The following ADGRB3 variants were observed in gnomAD, a reference collection of about 807,000 sequenced individuals.
ADGRB3 encodes brain-specific angiogenesis inhibitor 3.
Under a neutral mutation model 193.4 loss-of-function variants are expected in ADGRB3, and 37 were observed. That is an observed-to-expected ratio of 0.19 (90% CI 0.15 to 0.25). The LOEUF is 0.25. Among genes scored for constraint, ADGRB3 ranks in the 10% least tolerant of loss-of-function variants. ADGRB3 has a pLI of 1.00. For synonymous variants in ADGRB3, 690 were observed against 644.2 expected (o/e 1.07, Z -1.08); for missense variants, 1,637 against 1,852.9 (o/e 0.88, Z 2.14).
intron 13 of ADGRB3, among the ~76,000 whole-genome samples, 156 bp downstream of exon 13, chr6:69,018,655 G>A (rs562212328): frequency 6.6e-6 from 1 of 152,002 alleles, no homozygotes; most frequent in South Asian, 2.1e-4. Flanking sequence ...TTTTAGATGG[G>A]CCTAAACACA....
intron 15 of ADGRB3, among the ~76,000 whole-genome samples, chr6:69,061,069 ATG>A (rs1771733890): frequency 3.3e-5 from 5 of 149,288 alleles, no homozygotes; most frequent in Non-Finnish European, 1.5e-5. Flanking sequence ...TTATCATTTA[ATG>A]AAAAAAAAAA....
chr6:68,966,231 C>A (rs747741143), intron 8 of ADGRB3, among the ~76,000 whole-genome samples: 2 of 152,124 alleles, frequency 1.3e-5, no homozygotes, highest in Non-Finnish European at 2.9e-5. Context: ...AATCTACATC[C>A]TATGATTCTT....
At chr6:69,306,769 C>A (rs1054669015) in intron 20 of ADGRB3, among the ~76,000 whole-genome samples, 3 of 151,200 alleles carry the variant, frequency 2.0e-5, no homozygotes, top group Non-Finnish European at 3.0e-5. Flanking sequence ...GGAGTGTGGA[C>A]AAACAATTTA....
At chr6:68,943,126 A>T (rs1054190553) in intron 5 of ADGRB3, among the ~76,000 whole-genome samples, 12 of 152,186 alleles carry the variant, frequency 7.9e-5, no homozygotes, top group African/African-American at 2.9e-4. Flanking sequence ...TCAAGTTGTT[A>T]GAGGAGGAAA....
intron 17 of ADGRB3, among the ~76,000 whole-genome samples, chr6:69,227,904 C>T (rs1386285132): frequency 2.0e-5 from 3 of 152,184 alleles, no homozygotes; most frequent in African/African-American, 7.2e-5. Flanking sequence ...TGAATTACGA[C>T]AAAAACAATC....
intron 3 of ADGRB3, among the ~76,000 whole-genome samples, chr6:68,906,247 A>G (rs183226134): frequency 3.3e-4 from 50 of 151,874 alleles, no homozygotes; most frequent in Admixed American, 8.5e-4. Context: ...ATATTGGTAT[A>G]TAGCATATAT....
intron 3 of ADGRB3, among the ~76,000 whole-genome samples, chr6:68,886,611 G>A (rs898739227): frequency 6.6e-6 from 1 of 151,956 alleles, no homozygotes; most frequent in Non-Finnish European, 1.5e-5. Context: ...ATGTTTCAAA[G>A]TGCTGTTTAA....
chr6:68,951,271 T>A (rs974823277), intron 6 of ADGRB3, among the ~76,000 whole-genome samples: 1 of 152,104 alleles, frequency 6.6e-6, no homozygotes, highest in African/African-American at 2.4e-5. Flanking sequence ...AAGAAAAAAG[T>A]GGAGGTCAGG....
intron 3 of ADGRB3, among the ~76,000 whole-genome samples, chr6:68,812,760 G>A (rs888384842): frequency 6.6e-6 from 1 of 151,712 alleles, no homozygotes; most frequent in African/African-American, 2.4e-5. Context: ...GTGCCATGGT[G>A]GTTTGCTGCA....
At chr6:68,841,359 C>G (rs976801983) in intron 3 of ADGRB3, among the ~76,000 whole-genome samples, 11 of 152,104 alleles carry the variant, frequency 7.2e-5, no homozygotes, top group African/African-American at 2.2e-4. Context: ...AGCCACAAAA[C>G]AAGTCTGGAG....
At chr6:69,274,658 TC>T (rs1466718722) in intron 20 of ADGRB3, among the ~76,000 whole-genome samples, 2 of 134,700 alleles carry the variant, frequency 1.5e-5, no homozygotes, top group African/African-American at 2.7e-5. Context: ...CTTCCCTTCT[TC>T]CCTTTCTTCC....
chr6:68,996,908 A>C (rs1432496971), intron 11 of ADGRB3, among the ~76,000 whole-genome samples: 2 of 152,328 alleles, frequency 1.3e-5, no homozygotes, highest in East Asian at 3.9e-4. Flanking sequence ...TATTAACAAC[A>C]AAAGTAGTGG....
intron 3 of ADGRB3, among the ~76,000 whole-genome samples, chr6:68,862,073 C>G (rs889148017): frequency 1.3e-5 from 2 of 152,058 alleles, no homozygotes; most frequent in Middle Eastern, 6.8e-3. Context: ...GCTCTTATTT[C>G]AAACTTTCCA....
At chr6:68,874,913 G>A (rs566760222) in intron 3 of ADGRB3, among the ~76,000 whole-genome samples, 1 of 152,278 alleles carries the variant, frequency 6.6e-6, no homozygotes, top group Non-Finnish European at 1.5e-5. Flanking sequence ...GAGTGCTCTA[G>A]TAGTAGGGCA....
chr6:69,345,651 C>A (rs1441450273), intron 26 of ADGRB3, among the ~76,000 whole-genome samples: 1 of 152,078 alleles, frequency 6.6e-6, no homozygotes, highest in Non-Finnish European at 1.5e-5. Context: ...CAATATCATA[C>A]TGAATGGGCA....
intron 30 of ADGRB3, among the ~76,000 whole-genome samples, chr6:69,381,773 C>G (rs1410340699): frequency 1.3e-5 from 2 of 151,810 alleles, no homozygotes; most frequent in Non-Finnish European, 2.9e-5. Context: ...TATTCAAATT[C>G]TAGCTTAAAC....
chr6:68,944,309 G>A (rs1174721217), intron 6 of ADGRB3, among the ~76,000 whole-genome samples: 1 of 152,072 alleles, frequency 6.6e-6, no homozygotes, highest in Non-Finnish European at 1.5e-5. Flanking sequence ...CTAAAGACTT[G>A]AGATTAATTA....
intron 26 of ADGRB3, among the ~76,000 whole-genome samples, chr6:69,348,258 T>G (rs922986929): frequency 6.6e-6 from 1 of 152,046 alleles, no homozygotes; most frequent in Non-Finnish European, 1.5e-5. Flanking sequence ...ATCAAACCAT[T>G]GCTTGCTGTT....
intron 17 of ADGRB3, among the ~76,000 whole-genome samples, chr6:69,092,808 G>A (rs1275754505): frequency 6.6e-6 from 1 of 152,174 alleles, no homozygotes; most frequent in African/African-American, 2.4e-5. Context: ...AATGTTAGGT[G>A]GGTGACTGGG....
Sources: gnomAD v4.1 joint callset for allele counts (sites outside exome capture counted in the v4.1 genomes callset) on GRCh38, gnomAD v4.1.1 for gene constraint, MANE v1.5 for transcripts, NCBI Gene and HGNC (gene_info 2026-07-23, HGNC 2026-07-21) for gene names.